TCERG1L: variants seen among roughly 807,000 people sequenced by gnomAD.
TCERG1L encodes transcription elongation regulator 1 like.
Under a neutral mutation model 56.3 loss-of-function variants are expected in TCERG1L, and 37 were observed. The ratio of observed to expected loss-of-function variants is 0.66; its 90% confidence interval spans 0.51 to 0.87. The LOEUF (loss-of-function observed/expected upper bound fraction) is 0.87, where lower values mean the gene tolerates loss of function less well. Ranked by LOEUF, TCERG1L falls within the 40% of genes least tolerant of loss-of-function variation. The pLI, the probability that TCERG1L is intolerant of heterozygous loss-of-function variation, is 0.00. For missense variants in TCERG1L, 799 were observed against 774.2 expected (o/e 1.03, Z -0.38); for synonymous variants, 324 against 326.3 (o/e 0.99, Z 0.08).
At chr10:131,202,356 C>A (rs924608055) in intron 4 of TCERG1L, among the ~76,000 whole-genome samples, 3 of 152,138 alleles carry the variant, frequency 2.0e-5, no homozygotes, top group African/African-American at 7.2e-5. Flanking sequence ...CCGAGGAGGG[C>A]GGATCACCTG....
chr10:131,209,422 A>C (rs10734103), intron 4 of TCERG1L, among the ~76,000 whole-genome samples: 81,202 of 150,946 alleles, frequency 0.54, 23,308 homozygotes, highest in East Asian at 0.74. Context: ...ATACCTGTAT[A>C]CTGTAATTAT....
At chr10:131,157,087 C>T (rs1845931559) in intron 6 of TCERG1L, among the ~76,000 whole-genome samples, 1 of 152,198 alleles carries the variant, frequency 6.6e-6, no homozygotes, top group Non-Finnish European at 1.5e-5. Context: ...GCACCGTACT[C>T]ATTTTGATAA....
At chr10:131,109,498 G>C (rs2133385238) in intron 9 of TCERG1L, among the ~76,000 whole-genome samples, 1 of 152,356 alleles carries the variant, frequency 6.6e-6, no homozygotes, top group Non-Finnish European at 1.5e-5. Context: ...GTCTGTGGCT[G>C]TGTCTGTGAA....
intron 3 of TCERG1L, among the ~76,000 whole-genome samples, chr10:131,306,997 G>C (rs1846824047): frequency 6.6e-6 from 1 of 152,074 alleles, no homozygotes; most frequent in South Asian, 2.1e-4. Context: ...TACATTTGCT[G>C]GTTATTTTCA....
rs10677942 is a variant in TCERG1L at position 131,209,057 on chromosome 10, C to CAAAA, written c.857-42176_857-42173dup. Among the ~76,000 whole-genome samples the CAAAA allele has an allele frequency of 1.9e-4, 24 of 127,682 alleles. 1 individual carries two copies. The highest frequency in any genetic ancestry group is 1.1e-3 in the East Asian group (5 of 4,362). The allele number at this position is 127,682 out of a possible 152,430, so 83.8% of individuals were successfully genotyped here. A position where few individuals can be genotyped will look rare whatever the true frequency, so the allele number is the denominator to read the frequency against. Reference sequence around the variant, plus strand: ...TGGGTGACAGAGCGAGACTCTGTCTCAAAAAAAAAAAAAAAAATCGTAGTC... The same window carrying CAAAA: ...TGGGTGACAGAGCGAGACTCTGTCTCAAAAAAAAAAAAAAAAAAAAATCGTAGTC... On this transcript the variant is annotated intron_variant, in intron 4 of 11. Transcript: ENST00000368642.
chr10:131,277,479 G>A (rs1005676991), intron 3 of TCERG1L, among the ~76,000 whole-genome samples: 3 of 152,304 alleles, frequency 2.0e-5, no homozygotes, highest in African/African-American at 7.2e-5. Context: ...AGAGAGGGCC[G>A]CTCCCCACCT....
chr10:131,134,551 A>T (rs1845653350), intron 7 of TCERG1L, 103 bp from the exon 8 acceptor site: 1 of 831,274 alleles, frequency 1.2e-6, no homozygotes, highest in Admixed American at 2.4e-5. Flanking sequence ...CTAGAAATTA[A>T]GACAACAGGC....
At chr10:131,177,276 G>A (rs905235967) in intron 4 of TCERG1L, among the ~76,000 whole-genome samples, 3 of 152,220 alleles carry the variant, frequency 2.0e-5, no homozygotes, top group African/African-American at 7.2e-5. Flanking sequence ...TGCCCACGCA[G>A]ACACAAAGCA....
intron 3 of TCERG1L, among the ~76,000 whole-genome samples, chr10:131,302,952 T>A (rs543509510): frequency 6.6e-6 from 1 of 151,952 alleles, no homozygotes; most frequent in South Asian, 2.1e-4. Context: ...GCAAAGGACA[T>A]GAACTCATCC....
chr10:131,227,825 G>A (rs1302698696), intron 4 of TCERG1L, among the ~76,000 whole-genome samples: 2 of 145,872 alleles, frequency 1.4e-5, no homozygotes, highest in African/African-American at 5.2e-5. Context: ...TTTTAAACAG[G>A]AAAGGGAACC....
At position 131,290,771 on chromosome 10, in the gene TCERG1L, C is replaced by T. The variant is rs1469590995; in HGVS notation, c.670+17440G>A. Among the ~76,000 whole-genome samples the T allele has an allele frequency of 3.7e-5, 5 of 134,234 alleles. No homozygotes were observed. In the East Asian group the frequency reaches 1.1e-3, roughly 29 times the overall value. The allele number at this position is 134,234 out of a possible 152,430, so 88.1% of individuals were successfully genotyped here. On this transcript the variant is annotated intron_variant, in intron 3 of 11. Transcript: ENST00000368642. ...TTTAATGTAGATGTACCATAATTCACGTAAACACTTACCACATTGGAGGTT... is the reference window on the plus strand; with the variant it reads ...TTTAATGTAGATGTACCATAATTCATGTAAACACTTACCACATTGGAGGTT...
rs536323109 is a variant in TCERG1L, at chr10:131,121,690, G to A, written c.1260-4756C>T. Among the ~76,000 whole-genome samples, 229 of 152,288 alleles carry A rather than the reference G, an allele frequency of 1.5e-3. 2 individuals carry two copies. Among genetic ancestry groups the A allele is most frequent in the Non-Finnish European group, 2.7e-3 (183 of 68,026 alleles). ...TCATAATGGGCTGTGAGGCCTGGGC[G>A]TGGGCACAGAGACAGAGATGCCCCC... is the stretch of plus-strand genomic sequence containing the variant. On this transcript the variant is annotated intron_variant, in intron 8 of 11. Coordinates refer to ENST00000368642, the MANE Select transcript of TCERG1L (RefSeq NM_174937.4).
chr10:131,212,260 G>A, intron 4 of TCERG1L, among the ~76,000 whole-genome samples: 1 of 152,212 alleles, frequency 6.6e-6, no homozygotes, highest in East Asian at 1.9e-4. Flanking sequence ...TCAGGCCCAT[G>A]CAGAGTTGAT....
chr10:131,239,404 G>A (rs1251473815), intron 4 of TCERG1L, among the ~76,000 whole-genome samples: 1 of 152,118 alleles, frequency 6.6e-6, no homozygotes, highest in Non-Finnish European at 1.5e-5. Flanking sequence ...AAAAATAAAG[G>A]CATGTCAAAA....
chr10:131,302,047 T>C (rs1173326926), intron 3 of TCERG1L, among the ~76,000 whole-genome samples: 1 of 152,114 alleles, frequency 6.6e-6, no homozygotes, highest in Non-Finnish European at 1.5e-5. Context: ...TTAGGTGTGG[T>C]AAATTCATTT....
intron 4 of TCERG1L, among the ~76,000 whole-genome samples, chr10:131,194,212 T>C (rs1845333340): frequency 6.6e-6 from 1 of 152,260 alleles, no homozygotes; most frequent in South Asian, 2.1e-4. Context: ...GAAGCTACCA[T>C]GTGCCAGGCA....
chr10:131,204,928 T>G (rs901658598), intron 4 of TCERG1L, among the ~76,000 whole-genome samples: 1 of 152,112 alleles, frequency 6.6e-6, no homozygotes, highest in Non-Finnish European at 1.5e-5. Context: ...GTCCAGGGTC[T>G]TGACCATGGG....
chr10:131,237,924 G>C (rs1160484967), intron 4 of TCERG1L, among the ~76,000 whole-genome samples: 1 of 152,238 alleles, frequency 6.6e-6, no homozygotes, highest in African/African-American at 2.4e-5. Flanking sequence ...GCGTTTCACT[G>C]ATTTTTGAGT....
At chr10:131,148,301 AAC>A (rs1221812488) in intron 6 of TCERG1L, among the ~76,000 whole-genome samples, 2 of 152,166 alleles carry the variant, frequency 1.3e-5, no homozygotes, top group African/African-American at 2.4e-5. Flanking sequence ...GTTTCACACA[AAC>A]ACACTCTCAG....
Sources: gnomAD v4.1 joint callset for allele counts (sites outside exome capture counted in the v4.1 genomes callset) on GRCh38, gnomAD v4.1.1 for gene constraint, MANE v1.5 for transcripts, NCBI Gene and HGNC (gene_info 2026-07-23, HGNC 2026-07-21) for gene names.